Variants in ABTB3 observed in about 807,000 individuals in gnomAD.
ABTB3 encodes ankyrin repeat- and BTB/POZ domain-containing protein 3.
chr12:107,557,456 A>G, the ABTB3 span, among the ~76,000 whole-genome samples: 1 of 152,252 alleles, frequency 6.6e-6, no homozygotes, highest in Non-Finnish European at 1.5e-5. Context: ...ATGACTGTAT[A>G]TAAATAAACG....
At chr12:107,469,944 CTTTCTTT>C in the ABTB3 span, among the ~76,000 whole-genome samples, 4 of 35,600 alleles carry the variant, frequency 1.1e-4, no homozygotes, top group Non-Finnish European at 2.2e-4. Flanking sequence ...CTTTCTTTCT[CTTTCTTT>C]CTTTCTTTCT....
the ABTB3 span, among the ~76,000 whole-genome samples, chr12:107,322,522 C>A: frequency 6.6e-6 from 1 of 152,226 alleles, no homozygotes; most frequent in African/African-American, 2.4e-5. Context: ...TTAAGGACAA[C>A]ATACCTTACA....
chr12:107,404,983 C>T, the ABTB3 span, among the ~76,000 whole-genome samples: 7 of 152,200 alleles, frequency 4.6e-5, no homozygotes, highest in Non-Finnish European at 7.3e-5. Flanking sequence ...CCCCAGAGGC[C>T]TCACATCGGT....
At chr12:107,495,453 T>A in the ABTB3 span, among the ~76,000 whole-genome samples, 1 of 152,190 alleles carries the variant, frequency 6.6e-6, no homozygotes, top group Non-Finnish European at 1.5e-5. Context: ...AGGGGGCTCC[T>A]AGCTGCCACT....
chr12:107,326,002 T>C, the ABTB3 span, among the ~76,000 whole-genome samples: 1 of 152,144 alleles, frequency 6.6e-6, no homozygotes, highest in Admixed American at 6.5e-5. Flanking sequence ...ACCTCCCAGG[T>C]TCAAGATATT....
chr12:107,617,402 A>G, the ABTB3 span: 2 of 1,614,112 alleles, frequency 1.2e-6, no homozygotes, highest in Middle Eastern at 1.7e-4. Flanking sequence ...GGGTGATATG[A>G]ACTCTTTCAG....
chr12:107,622,200 C>G, the ABTB3 span, among the ~76,000 whole-genome samples: 1 of 152,164 alleles, frequency 6.6e-6, no homozygotes, highest in African/African-American at 2.4e-5. Flanking sequence ...CTTTACACAT[C>G]ACATGCACTG....
chr12:107,436,753 C>T, the ABTB3 span, among the ~76,000 whole-genome samples: 14 of 152,132 alleles, frequency 9.2e-5, no homozygotes, highest in East Asian at 3.9e-4. Flanking sequence ...TGCTTATTAG[C>T]GCACAGCCGA....
chr12:107,525,959 C>A, the ABTB3 span, among the ~76,000 whole-genome samples: 1 of 152,180 alleles, frequency 6.6e-6, no homozygotes, highest in South Asian at 2.1e-4. Flanking sequence ...TAGTAAGTGG[C>A]AGTCATAATT....
chr12:107,492,026 G>C, the ABTB3 span, among the ~76,000 whole-genome samples: 1 of 152,096 alleles, frequency 6.6e-6, no homozygotes, highest in Non-Finnish European at 1.5e-5. Context: ...GGCTTTTAAG[G>C]GTTTTGGAGT....
the ABTB3 span, chr12:107,580,841 G>C: frequency 1.3e-6 from 2 of 1,540,592 alleles, no homozygotes; most frequent in Admixed American, 3.9e-5. Flanking sequence ...TGATCGCCGA[G>C]AGGGATAATA....
the ABTB3 span, among the ~76,000 whole-genome samples, chr12:107,394,365 C>A: frequency 2.0e-5 from 3 of 152,180 alleles, no homozygotes; most frequent in Non-Finnish European, 2.9e-5. Flanking sequence ...CTTTAGCAAA[C>A]CTTCCTAGTG....
chr12:107,635,295 T>C, the ABTB3 span: 1 of 1,613,220 alleles, frequency 6.2e-7, no homozygotes, highest in South Asian at 1.1e-5. Flanking sequence ...AATGAAGTGA[T>C]CAGCCAGCAG....
At chr12:107,581,132 G>A in the ABTB3 span, 1 of 1,546,252 alleles carries the variant, frequency 6.5e-7, no homozygotes. Context: ...CGCGTCTCCG[G>A]GTCCCTCCTC....
chr12:107,545,812 C>T, the ABTB3 span, among the ~76,000 whole-genome samples: 1 of 152,204 alleles, frequency 6.6e-6, no homozygotes, highest in African/African-American at 2.4e-5. Flanking sequence ...ATGGAAACTA[C>T]TGGCCTCAGC....
the ABTB3 span, among the ~76,000 whole-genome samples, chr12:107,394,096 A>G: frequency 2.6e-5 from 4 of 152,308 alleles, no homozygotes; most frequent in East Asian, 7.7e-4. Context: ...TCTGCAAAGA[A>G]TTTCCACATG....
At chr12:107,525,093 A>C in the ABTB3 span, among the ~76,000 whole-genome samples, 3 of 152,106 alleles carry the variant, frequency 2.0e-5, no homozygotes, top group African/African-American at 7.2e-5. Flanking sequence ...TGGGAGGCTG[A>C]TGTGAGCGGA....
the ABTB3 span, among the ~76,000 whole-genome samples, chr12:107,337,514 G>A: frequency 6.6e-6 from 1 of 152,202 alleles, no homozygotes; most frequent in African/African-American, 2.4e-5. Context: ...GTTCACAATA[G>A]TATCTCATTC....
At chr12:107,387,675 C>G in the ABTB3 span, among the ~76,000 whole-genome samples, 2 of 152,180 alleles carry the variant, frequency 1.3e-5, no homozygotes, top group African/African-American at 2.4e-5. Flanking sequence ...CTGTGCCAGG[C>G]AGCATGCTAG....
Sources: gnomAD v4.1 joint callset for allele counts (sites outside exome capture counted in the v4.1 genomes callset) on GRCh38, gnomAD v4.1.1 for gene constraint, MANE v1.5 for transcripts, NCBI Gene and HGNC (gene_info 2026-07-23, HGNC 2026-07-21) for gene names.